The following SHQ1 variants were observed in gnomAD, a reference collection of about 807,000 sequenced individuals.
SHQ1 encodes protein SHQ1 homolog.
In SHQ1, 49 loss-of-function variants were observed where a neutral mutation model predicts 53.8. The observed-to-expected ratio is 0.91, with a 90% CI of 0.72 to 1.16. The LOEUF (loss-of-function observed/expected upper bound fraction) is 1.16. SHQ1 is among the 50% of genes most tolerant of loss of function. SHQ1 has a pLI of 0.00. For synonymous variants in SHQ1, 243 were observed against 251.0 expected, an observed-to-expected ratio of 0.97 and a Z score of 0.30; for missense variants, 738 against 683.1, an observed-to-expected ratio of 1.08 and a Z score of -0.90.
At chr3:72,781,726 G>T (rs576984342) in intron 10 of SHQ1, among the ~76,000 whole-genome samples, 1 of 152,004 alleles carries the variant, frequency 6.6e-6, no homozygotes, top group Non-Finnish European at 1.5e-5. Flanking sequence ...TTTGAAAATA[G>T]GAATGGCTGT....
intron 10 of SHQ1, chr3:72,772,837 A>G (rs976767326): frequency 1.3e-6 from 1 of 770,882 alleles, no homozygotes; most frequent in East Asian, 2.4e-5. Context: ...GAATGAGCCT[A>G]TATCTAAAGT....
chr3:72,778,143 G>A (rs1306651442), intron 10 of SHQ1, among the ~76,000 whole-genome samples: 4 of 152,128 alleles, frequency 2.6e-5, no homozygotes, highest in South Asian at 2.1e-4. Context: ...TAGGAAATTG[G>A]TGATATTCTA....
the SHQ1 span, among the ~76,000 whole-genome samples, chr3:72,725,404 C>T: frequency 6.6e-6 from 1 of 152,132 alleles, no homozygotes; most frequent in Admixed American, 6.5e-5. Context: ...AGGGCCTTTG[C>T]ACTTGCTGCT....
intron 7 of SHQ1, among the ~76,000 whole-genome samples, chr3:72,816,573 CTCT>C (rs1707325112): frequency 6.6e-6 from 1 of 152,018 alleles, no homozygotes; most frequent in South Asian, 2.1e-4. Flanking sequence ...GGAAGTTTAG[CTCT>C]TCATTTACAA....
chr3:72,776,687 TAA>T (rs199731086), intron 10 of SHQ1, among the ~76,000 whole-genome samples: 2,404 of 152,292 alleles, frequency 0.016, 52 homozygotes, highest in African/African-American at 0.054. Context: ...AAAGAAAACT[TAA>T]GAGAGTCATA....
intron 2 of SHQ1, 142 bp from the exon 3 acceptor site, chr3:72,842,544 C>T (rs983369015): frequency 8.1e-6 from 4 of 492,788 alleles, no homozygotes; most frequent in Non-Finnish European, 1.0e-5. Flanking sequence ...GCCTGGGCAA[C>T]ATACCAAGAC....
the SHQ1 span, among the ~76,000 whole-genome samples, chr3:72,726,884 C>T: frequency 7.9e-5 from 12 of 152,268 alleles, 1 homozygote; most frequent in African/African-American, 2.4e-4. Context: ...CAGGGTTCTG[C>T]GCCTCCTTCG....
intron 10 of SHQ1, among the ~76,000 whole-genome samples, chr3:72,776,528 C>A (rs948182739): frequency 8.5e-5 from 13 of 152,114 alleles, no homozygotes; most frequent in African/African-American, 2.7e-4. Context: ...TAGAACGTAT[C>A]CCTATCATTA....
At chr3:72,847,203 G>A (rs1035417794) in intron 1 of SHQ1, among the ~76,000 whole-genome samples, 1 of 152,080 alleles carries the variant, frequency 6.6e-6, no homozygotes, top group Non-Finnish European at 1.5e-5. Flanking sequence ...ATTCAAATAC[G>A]GACGTTATAT....
intron 2 of SHQ1, among the ~76,000 whole-genome samples, chr3:72,843,523 T>C (rs1036862538): frequency 6.6e-6 from 1 of 152,242 alleles, no homozygotes; most frequent in Admixed American, 6.5e-5. Context: ...TCTTTCAGTG[T>C]ACTGAACTGA....
intron 10 of SHQ1, among the ~76,000 whole-genome samples, chr3:72,768,797 C>T (rs1250881690): frequency 2.6e-5 from 4 of 152,148 alleles, no homozygotes; most frequent in Non-Finnish European, 5.9e-5. Flanking sequence ...TTTACAACAG[C>T]GTTCAACATG....
At chr3:72,734,845 A>G in the SHQ1 span, among the ~76,000 whole-genome samples, 4 of 151,604 alleles carry the variant, frequency 2.6e-5, no homozygotes, top group Non-Finnish European at 5.9e-5. Flanking sequence ...TGCCTTTACG[A>G]CACAAGTAAG....
chr3:72,789,081 T>TAAAAAAAAAAAAAA (rs1205170855), intron 10 of SHQ1, among the ~76,000 whole-genome samples: 12 of 61,654 alleles, frequency 1.9e-4, no homozygotes, highest in East Asian at 4.4e-4. Flanking sequence ...CAATAAACAC[T>TAAAAAAAAAAAAAA]AAAAAAAAAA....
intron 5 of SHQ1, among the ~76,000 whole-genome samples, chr3:72,828,420 C>G (rs528060127): frequency 2.7e-4 from 41 of 152,134 alleles, no homozygotes; most frequent in African/African-American, 8.4e-4. Context: ...GTGGGTTGGG[C>G]GTGGTGGCTC....
chr3:72,847,391 G>A (rs1559705324), intron 1 of SHQ1, among the ~76,000 whole-genome samples: 1 of 152,158 alleles, frequency 6.6e-6, no homozygotes, highest in Non-Finnish European at 1.5e-5. Context: ...ACTTTAGGAT[G>A]AATATGTAGC....
intron 9 of SHQ1, among the ~76,000 whole-genome samples, chr3:72,803,210 GTTC>G (rs1281041834): frequency 2.6e-5 from 4 of 152,030 alleles, no homozygotes; most frequent in Non-Finnish European, 5.9e-5. Context: ...TTACTTCTTT[GTTC>G]ATACTTAAGC....
chr3:72,842,491 G>A (rs1708205303), intron 2 of SHQ1, 89 bp from the exon 3 acceptor site: 2 of 1,227,084 alleles, frequency 1.6e-6, no homozygotes, highest in South Asian at 2.9e-5. Flanking sequence ...TACTCTGGCA[G>A]TCTGAGGCAG....
downstream of SHQ1, among the ~76,000 whole-genome samples, chr3:72,745,603 A>AT (rs1705245600): frequency 6.6e-6 from 1 of 152,138 alleles, no homozygotes; most frequent in African/African-American, 2.4e-5. Context: ...GGGCTGACTC[A>AT]TTTTCACAGT....
At chr3:72,844,472 A>G (rs776047670) in intron 1 of SHQ1, 49 bp from the exon 2 acceptor site, 34 of 1,404,118 alleles carry the variant, frequency 2.4e-5, no homozygotes, top group Admixed American at 2.0e-4. Flanking sequence ...ATAACGTAAC[A>G]TAAGTGGCCA....
Sources: gnomAD v4.1 joint callset for allele counts (sites outside exome capture counted in the v4.1 genomes callset) on GRCh38, gnomAD v4.1.1 for gene constraint, MANE v1.5 for transcripts, NCBI Gene and HGNC (gene_info 2026-07-23, HGNC 2026-07-21) for gene names.